Variants in KCNMB4 observed in about 807,000 individuals in gnomAD.
KCNMB4 encodes the protein potassium calcium-activated channel subfamily M regulatory beta subunit 4, also known as calcium-activated potassium channel subunit beta-4.
A neutral mutation model predicts 20.7 loss-of-function variants in KCNMB4; 3 were observed. That is an observed-to-expected ratio of 0.14 (90% CI 0.07 to 0.37). The LOEUF (loss-of-function observed/expected upper bound fraction) is 0.37. Ranked by LOEUF, KCNMB4 falls within the 10% of genes least tolerant of loss-of-function variation. The pLI is 1.00. For missense variants in KCNMB4, 168 were observed against 265.9 expected (o/e 0.63, Z 2.56); for synonymous variants, 110 against 113.4 (o/e 0.97, Z 0.19).
At chr12:70,407,379 A>G (rs917510140) in intron 2 of KCNMB4, among the ~76,000 whole-genome samples, 2 of 146,600 alleles carry the variant, frequency 1.4e-5, no homozygotes, top group Non-Finnish European at 3.0e-5. Context: ...TGATTACAGC[A>G]TTGGCCCTTG....
In KCNMB4 at chr12:70,417,925, G is replaced by A. The variant is rs536935478; in HGVS notation, c.465-12560G>A. Among the ~76,000 whole-genome samples, 111 of 152,290 alleles carry A rather than the reference G, an allele frequency of 7.3e-4. 1 individual carries two copies. Among genetic ancestry groups the A allele is most frequent in the African/African-American group, 2.6e-3 (108 of 41,566 alleles). On this transcript the variant is annotated intron_variant, in intron 2 of 2. Coordinates refer to ENST00000258111, the MANE Select transcript of KCNMB4 (RefSeq NM_014505.6). ...AGACCACCGACCATTCTTTATGGGG[G>A]CATTTGTGGTTGAGCCATGGGAGAC...
At chr12:70,383,241 G>GT (rs1433385427) in intron 1 of KCNMB4, among the ~76,000 whole-genome samples, 3 of 152,068 alleles carry the variant, frequency 2.0e-5, no homozygotes, top group Non-Finnish European at 2.9e-5. Context: ...AAAACATCAC[G>GT]TTATATACCT....
chr12:70,407,133 C>T (rs1868626422), intron 2 of KCNMB4, among the ~76,000 whole-genome samples: 1 of 152,286 alleles, frequency 6.6e-6, no homozygotes, highest in South Asian at 2.1e-4. Context: ...TTCTCTAAGT[C>T]AGGGGTTCCC....
chr12:70,427,820 C>G (rs1869252447), intron 2 of KCNMB4, among the ~76,000 whole-genome samples: 1 of 152,006 alleles, frequency 6.6e-6, no homozygotes, highest in Non-Finnish European at 1.5e-5. Flanking sequence ...CTCAATTGCA[C>G]AATATTGTGA....
chr12:70,407,677 C>T (rs1868647213), intron 2 of KCNMB4, among the ~76,000 whole-genome samples: 1 of 151,680 alleles, frequency 6.6e-6, no homozygotes. Flanking sequence ...CCGTGTTAGC[C>T]AGGATGGTCT....
intron 2 of KCNMB4, among the ~76,000 whole-genome samples, chr12:70,407,886 A>G (rs941493937): frequency 2.0e-5 from 3 of 152,118 alleles, no homozygotes; most frequent in Admixed American, 1.3e-4. Context: ...GGGGCTTACT[A>G]TGAAAAAACG....
intron 2 of KCNMB4, among the ~76,000 whole-genome samples, chr12:70,414,542 G>T (rs569432596): frequency 6.6e-6 from 1 of 152,244 alleles, no homozygotes; most frequent in South Asian, 2.1e-4. Context: ...CTCATCATTT[G>T]GGATGCTTTT....
At chr12:70,382,495 A>C (rs1883807917) in intron 1 of KCNMB4, among the ~76,000 whole-genome samples, 2 of 151,830 alleles carry the variant, frequency 1.3e-5, no homozygotes, top group African/African-American at 4.8e-5. Context: ...AGTACTAAAT[A>C]AAATTTGGGT....
intron 2 of KCNMB4, among the ~76,000 whole-genome samples, chr12:70,412,221 G>A (rs1279533358): frequency 6.6e-6 from 1 of 152,200 alleles, no homozygotes; most frequent in Non-Finnish European, 1.5e-5. Flanking sequence ...TTCTGGGAAA[G>A]CCTTTGCTTT....
rs184434717 is a variant in KCNMB4, at chr12:70,391,428, G to T, written c.337-8781G>T. ...AGCTATCCTCACCTCTCAATCTCCT[G>T]ACTAACTATGACTAAAGACATATAC... On this transcript the variant is annotated intron_variant, in intron 1 of 2. Transcript: ENST00000258111. Among the ~76,000 whole-genome samples, 9 of 151,880 alleles carry T rather than the reference G, an allele frequency of 5.9e-5. No homozygotes were observed. In the East Asian group the frequency reaches 1.7e-3, roughly 29 times the overall value.
chr12:70,398,353 G>T (rs1239516006), intron 1 of KCNMB4, among the ~76,000 whole-genome samples: 1 of 152,092 alleles, frequency 6.6e-6, no homozygotes, highest in Non-Finnish European at 1.5e-5. Flanking sequence ...GAAAAGGGAA[G>T]TAATTTACCC....
intron 1 of KCNMB4, among the ~76,000 whole-genome samples, chr12:70,390,950 T>C (rs1175472595): frequency 6.6e-6 from 1 of 152,194 alleles, no homozygotes; most frequent in East Asian, 1.9e-4. Context: ...TTCTGCTCTA[T>C]ACTACTCTGC....
chr12:70,394,142 CTT>C (rs2136126466), intron 1 of KCNMB4, among the ~76,000 whole-genome samples: 1 of 152,226 alleles, frequency 6.6e-6, no homozygotes, highest in East Asian at 1.9e-4. Context: ...AATAGCTAAT[CTT>C]TGTTTCCTAT....
chr12:70,402,385 G>A (rs534030648), intron 2 of KCNMB4, among the ~76,000 whole-genome samples: 25 of 152,206 alleles, frequency 1.6e-4, no homozygotes, highest in South Asian at 6.2e-4. Context: ...GTTCACGCCT[G>A]TAATCCCAAC....
intron 2 of KCNMB4, among the ~76,000 whole-genome samples, chr12:70,402,114 C>T (rs1054773201): frequency 1.3e-5 from 2 of 152,166 alleles, no homozygotes; most frequent in Non-Finnish European, 2.9e-5. Flanking sequence ...CCATTCTGAA[C>T]TATGTGCACT....
At chr12:70,396,885 C>T (rs573105971) in intron 1 of KCNMB4, among the ~76,000 whole-genome samples, 7 of 152,186 alleles carry the variant, frequency 4.6e-5, no homozygotes, top group Admixed American at 3.3e-4. Flanking sequence ...TTTCCAGCAC[C>T]GTGCTTTGGA....
At chr12:70,405,771 A>G (rs983483836) in intron 2 of KCNMB4, among the ~76,000 whole-genome samples, 1 of 152,176 alleles carries the variant, frequency 6.6e-6, no homozygotes, top group Admixed American at 6.5e-5. Context: ...ATGAATGGAT[A>G]AAGAATATGT....
chr12:70,430,455 C>T (rs911637195), intron 2 of KCNMB4, 30 bp from the exon 3 acceptor site: 9 of 1,610,254 alleles, frequency 5.6e-6, no homozygotes, highest in African/African-American at 1.3e-5. Context: ...TTTGACTGCC[C>T]TTTCTTTCTT....
At chr12:70,429,865 G>T (rs1448712007) in intron 2 of KCNMB4, among the ~76,000 whole-genome samples, 1 of 152,030 alleles carries the variant, frequency 6.6e-6, no homozygotes, top group Admixed American at 6.6e-5. Flanking sequence ...TTAAGAAAGT[G>T]GTCAGTGTTT....
Sources: allele counts gnomAD v4.1 joint callset (sites outside exome capture counted in the v4.1 genomes callset), GRCh38; gene constraint gnomAD v4.1.1; transcripts MANE v1.5; gene names NCBI Gene and HGNC (gene_info 2026-07-23, HGNC 2026-07-21).